Variants in CNTNAP2 observed in about 807,000 individuals in gnomAD.
CNTNAP2 encodes the protein contactin-associated protein-like 2.
In CNTNAP2, 98 loss-of-function variants were observed where a neutral mutation model predicts 155.2. The ratio of observed to expected loss-of-function variants is 0.63; its 90% CI spans 0.54 to 0.75. CNTNAP2 has a LOEUF of 0.75. CNTNAP2 is among the 30% of genes least tolerant of loss of function. The pLI is 0.00. For missense variants in CNTNAP2, 1,727 were observed against 1,688.1 expected, an observed-to-expected ratio of 1.02 and a Z score of -0.40; for synonymous variants, 651 against 631.2, an observed-to-expected ratio of 1.03 and a Z score of -0.47.
At chr7:146,298,276 A>C (rs1390812110) in intron 1 of CNTNAP2, among the ~76,000 whole-genome samples, 1 of 152,190 alleles carries the variant, frequency 6.6e-6, no homozygotes, top group African/African-American at 2.4e-5. Context: ...ACGAGTCTTC[A>C]AAAAGTCTAT....
At chr7:147,378,629 T>C (rs1427295450) in intron 9 of CNTNAP2, among the ~76,000 whole-genome samples, 3 of 151,948 alleles carry the variant, frequency 2.0e-5, no homozygotes, top group African/African-American at 7.2e-5. Context: ...AGGTGGGAAA[T>C]GGTGACAGTT....
intron 21 of CNTNAP2, among the ~76,000 whole-genome samples, chr7:148,291,592 C>T (rs1797191403): frequency 6.6e-6 from 1 of 152,100 alleles, no homozygotes; most frequent in Non-Finnish European, 1.5e-5. Context: ...GTCTGCCTTT[C>T]CCAGCCCACT....
At chr7:147,154,189 T>C (rs992094143) in intron 8 of CNTNAP2, among the ~76,000 whole-genome samples, 2 of 151,930 alleles carry the variant, frequency 1.3e-5, no homozygotes, top group South Asian at 4.1e-4. Flanking sequence ...TTTCTATGCA[T>C]TGGTAAAGGT....
Position 146,718,806 on chromosome 7 carries a change from T to C in CNTNAP2, c.98-55465T>C, listed in dbSNP as rs73740815. The stretch of plus-strand genomic sequence containing the variant: ...AGTAACGGTATCTTTCTCCAAGAAG[T>C]TTGCTTTGTCTCATGGATTGGTTCC... On this transcript the variant is annotated intron_variant, in intron 1 of 23. Transcript: ENST00000361727. Among the ~76,000 whole-genome samples the C allele has an allele frequency of 9.7e-3, 1,462 of 151,166 alleles. 28 individuals are homozygous for C. The highest frequency in any genetic ancestry group is 0.034 in the African/African-American group (1,391 of 40,902).
At chr7:148,177,352 G>A (rs1562985143) in intron 18 of CNTNAP2, among the ~76,000 whole-genome samples, 2 of 152,270 alleles carry the variant, frequency 1.3e-5, no homozygotes, top group Non-Finnish European at 1.5e-5. Flanking sequence ...ATGTGAAGAC[G>A]GAGGCAGAGA....
intron 1 of CNTNAP2, among the ~76,000 whole-genome samples, chr7:146,352,035 A>G (rs1005522130): frequency 2.0e-5 from 3 of 152,232 alleles, no homozygotes; most frequent in Non-Finnish European, 4.4e-5. Context: ...AGGGTTAAGT[A>G]CATTTTCAAG....
At chr7:147,269,102 ACTC>A (rs1804682132) in intron 8 of CNTNAP2, among the ~76,000 whole-genome samples, 1 of 151,912 alleles carries the variant, frequency 6.6e-6, no homozygotes. Context: ...TTAGACGAGA[ACTC>A]CTAGAACTCA....
chr7:146,743,484 G>T (rs1363672443), intron 1 of CNTNAP2, among the ~76,000 whole-genome samples: 3 of 151,952 alleles, frequency 2.0e-5, no homozygotes, highest in African/African-American at 7.2e-5. Context: ...CATCATTTGT[G>T]TTTAGCTAAA....
At chr7:147,656,058 A>T (rs572816289) in intron 13 of CNTNAP2, among the ~76,000 whole-genome samples, 1 of 152,304 alleles carries the variant, frequency 6.6e-6, no homozygotes, top group Admixed American at 6.5e-5. Context: ...CCTAAATCTC[A>T]TGAACCAACC....
intron 13 of CNTNAP2, 149 bp downstream of exon 13, chr7:147,639,455 T>C (rs1795239710): frequency 3.8e-6 from 3 of 784,098 alleles, no homozygotes; most frequent in Non-Finnish European, 6.4e-6. Flanking sequence ...ATCATTGGGC[T>C]TGTTTTCTGG....
intron 1 of CNTNAP2, among the ~76,000 whole-genome samples, chr7:146,602,222 T>G (rs2129151979): frequency 6.6e-6 from 1 of 152,182 alleles, no homozygotes; most frequent in South Asian, 2.1e-4. Context: ...TAGAGGGAAA[T>G]GTGGCTATGA....
At chr7:148,366,565 A>G (rs1400958655) in intron 21 of CNTNAP2, among the ~76,000 whole-genome samples, 1 of 152,234 alleles carries the variant, frequency 6.6e-6, no homozygotes, top group African/African-American at 2.4e-5. Flanking sequence ...CTTGCCCAAG[A>G]CCACATGTTG....
intron 13 of CNTNAP2, among the ~76,000 whole-genome samples, chr7:147,666,372 C>G (rs886610611): frequency 2.0e-5 from 3 of 152,158 alleles, no homozygotes; most frequent in African/African-American, 7.2e-5. Flanking sequence ...GCTGTCGTAG[C>G]TGTAGCCCAC....
Position 148,415,939 on chromosome 7 carries a change from C to T in CNTNAP2, c.*323C>T, listed in dbSNP as rs1309128157. 1.1e-5 allele frequency: 4 copies of T among 348,262 alleles called. No homozygotes were observed. Among genetic ancestry groups the T allele is most frequent in the South Asian group, 5.7e-5 (1 of 17,406 alleles). 21.6% of individuals were successfully genotyped at this position (348,262 alleles called of 1,614,324 possible). A position where few individuals can be genotyped will look rare whatever the true frequency, so the allele number is the denominator to read the frequency against. The stretch of plus-strand genomic sequence containing the variant: ...TGTGTTTAGAGGTGTTCTAAAGACC[C>T]GTGGTAACAGGGCAAGTTTTCTACG... On this transcript the variant is annotated 3_prime_UTR_variant, in exon 24 of 24. Transcript: ENST00000361727.
chr7:147,955,798 C>T (rs537439381), intron 14 of CNTNAP2, among the ~76,000 whole-genome samples: 2 of 152,298 alleles, frequency 1.3e-5, no homozygotes, highest in African/African-American at 2.4e-5. Flanking sequence ...GCGCCGTGCA[C>T]ATATCTTGAG....
intron 15 of CNTNAP2, among the ~76,000 whole-genome samples, chr7:148,020,897 T>C (rs1052857710): frequency 6.6e-6 from 1 of 152,230 alleles, no homozygotes; most frequent in Non-Finnish European, 1.5e-5. Context: ...AACAAGAATG[T>C]GGTAAATCTT....
chr7:146,871,697 A>C (rs1795312359), intron 3 of CNTNAP2, among the ~76,000 whole-genome samples: 1 of 152,092 alleles, frequency 6.6e-6, no homozygotes, highest in Non-Finnish European at 1.5e-5. Context: ...ATTTGCAATA[A>C]AATATATTTT....
intron 13 of CNTNAP2, among the ~76,000 whole-genome samples, chr7:147,895,428 A>C (rs1196396873): frequency 2.0e-5 from 3 of 152,114 alleles, no homozygotes; most frequent in African/African-American, 7.2e-5. Flanking sequence ...GATTATATTT[A>C]ATTCATTTCA....
intron 1 of CNTNAP2, among the ~76,000 whole-genome samples, chr7:146,483,398 T>C (rs1797008371): frequency 1.4e-5 from 2 of 145,798 alleles, no homozygotes; most frequent in South Asian, 4.4e-4. Flanking sequence ...ACATTCATTG[T>C]TACATAATTT....
Sources: gnomAD v4.1 joint callset for allele counts (sites outside exome capture counted in the v4.1 genomes callset) on GRCh38, gnomAD v4.1.1 for gene constraint, MANE v1.5 for transcripts, NCBI Gene and HGNC (gene_info 2026-07-23, HGNC 2026-07-21) for gene names.